The following ANKS1B variants were observed in gnomAD, a reference collection of about 807,000 sequenced individuals.
ANKS1B encodes ankyrin repeat and sterile alpha motif domain containing 1B.
Under a neutral mutation model 148.3 loss-of-function variants are expected in ANKS1B, and 36 were observed. The observed-to-expected ratio is 0.24, with a 90% confidence interval of 0.19 to 0.32. The LOEUF (loss-of-function observed/expected upper bound fraction) is 0.32. ANKS1B is among the 10% of genes least tolerant of loss of function. The probability of loss-of-function intolerance (pLI) is 1.00; values close to 1 mark genes in which losing one functional copy is unlikely to be tolerated. For missense variants in ANKS1B, 1,157 were observed against 1,542.6 expected (o/e 0.75, Z 4.19); for synonymous variants, 542 against 560.8 (o/e 0.97, Z 0.47).
chr12:98,901,580 A>G (rs994384764), intron 17 of ANKS1B, among the ~76,000 whole-genome samples: 3 of 152,234 alleles, frequency 2.0e-5, no homozygotes, highest in African/African-American at 7.2e-5. Flanking sequence ...GACATTGTGG[A>G]ACTTTACCTC....
intron 17 of ANKS1B, among the ~76,000 whole-genome samples, chr12:99,052,164 T>G (rs945360839): frequency 2.0e-5 from 3 of 152,260 alleles, no homozygotes; most frequent in African/African-American, 7.2e-5. Flanking sequence ...TATTCCTTCA[T>G]TTATGCTAGA....
At chr12:99,819,858 G>A (rs931008785) in intron 2 of ANKS1B, among the ~76,000 whole-genome samples, 1 of 151,236 alleles carries the variant, frequency 6.6e-6, no homozygotes, top group Non-Finnish European at 1.5e-5. Flanking sequence ...AGGAATGAGG[G>A]GACTAAGGAA....
chr12:99,582,331 C>T (rs566153059), intron 9 of ANKS1B, among the ~76,000 whole-genome samples: 1 of 151,578 alleles, frequency 6.6e-6, no homozygotes, highest in African/African-American at 2.4e-5. Flanking sequence ...TATGTAATCC[C>T]ACATCTAGGT....
At position 99,827,273 on chromosome 12, in the gene ANKS1B, A is replaced by G. The variant is rs74328527; in HGVS notation, c.135-1884T>C. On this transcript the variant is annotated intron_variant, in intron 1 of 26. Transcript: ENST00000683438. ...TATGACATGAATGACCCGGGAAGAC[A>G]TTATGCTAAGTGAAATAAGCCAGAC... 3.9e-5 allele frequency among the ~76,000 whole-genome samples: 6 copies of G among 152,322 alleles called. No individual in the cohort carries two copies. In the East Asian group the frequency reaches 7.7e-4, roughly 20 times the overall value.
At chr12:99,644,314 C>G (rs1269823229) in intron 9 of ANKS1B, among the ~76,000 whole-genome samples, 1 of 152,132 alleles carries the variant, frequency 6.6e-6, no homozygotes, top group Non-Finnish European at 1.5e-5. Flanking sequence ...TATTAACATT[C>G]TCTCTACAAT....
At chr12:99,111,587 G>A (rs2060301171) in intron 15 of ANKS1B, among the ~76,000 whole-genome samples, 1 of 151,714 alleles carries the variant, frequency 6.6e-6, no homozygotes, top group Admixed American at 6.6e-5. Context: ...CCTCATGAAA[G>A]TGCTGAACCC....
At position 99,713,020 on chromosome 12, in the gene ANKS1B, T is replaced by C. The variant is rs115448641; in HGVS notation, c.1129-57810A>G. ...TATCATTTTGTTCTTTCTCTGTCTCTTTCAGTCCAAGCTGGCAGTGTTTCT... is the reference window on the plus strand; with the variant it reads ...TATCATTTTGTTCTTTCTCTGTCTCCTTCAGTCCAAGCTGGCAGTGTTTCT... On this transcript the variant is annotated intron_variant, in intron 8 of 26. Transcript: ENST00000683438. 3.5e-3 allele frequency among the ~76,000 whole-genome samples: 538 copies of C among 152,346 alleles called. 1 individual carries two copies. The highest frequency in any genetic ancestry group is 0.013 in the African/African-American group (527 of 41,588).
intron 17 of ANKS1B, among the ~76,000 whole-genome samples, chr12:98,968,014 G>A (rs1173451993): frequency 1.3e-5 from 2 of 152,038 alleles, no homozygotes; most frequent in Non-Finnish European, 2.9e-5. Flanking sequence ...GGGCATTTTT[G>A]GGAAAATAGG....
intron 14 of ANKS1B, among the ~76,000 whole-genome samples, chr12:99,163,857 C>T (rs964840571): frequency 2.6e-5 from 4 of 152,116 alleles, no homozygotes; most frequent in African/African-American, 9.7e-5. Context: ...GCACCATTTA[C>T]CCATTCTCTT....
chr12:99,301,690 A>C (rs762557761), intron 12 of ANKS1B, among the ~76,000 whole-genome samples: 1 of 152,228 alleles, frequency 6.6e-6, no homozygotes, highest in Non-Finnish European at 1.5e-5. Flanking sequence ...CCAAAGTCAG[A>C]AAAAGATGAA....
chr12:99,455,897 ATCCT>A (rs1260374107), intron 10 of ANKS1B, among the ~76,000 whole-genome samples: 1 of 152,072 alleles, frequency 6.6e-6, no homozygotes, highest in Non-Finnish European at 1.5e-5. Context: ...CCACGGCCTG[ATCCT>A]TCCTATACTA....
intron 15 of ANKS1B, among the ~76,000 whole-genome samples, chr12:99,086,355 C>T (rs2051793865): frequency 6.6e-6 from 1 of 152,146 alleles, no homozygotes; most frequent in Non-Finnish European, 1.5e-5. Context: ...TACTTGGAAG[C>T]ATCATGTTCT....
At chr12:99,143,425 G>C (rs1224755925) in intron 15 of ANKS1B, among the ~76,000 whole-genome samples, 2 of 152,098 alleles carry the variant, frequency 1.3e-5, no homozygotes, top group African/African-American at 4.8e-5. Context: ...GATTCACACA[G>C]ACTAGCCTAG....
Position 99,009,195 on chromosome 12 carries a change from C to T in ANKS1B, c.2778+43962G>A, listed in dbSNP as rs552605268. Among the ~76,000 whole-genome samples the T allele has an allele frequency of 1.1e-4, 17 of 152,328 alleles. No homozygotes were observed. The South Asian group carries it at 3.1e-3, about 28-fold the overall frequency. ...CAACTCGTTCAGCAGCCTCAGACTA[C>T]AGCTGCATCTTTACTTATCTAGGCC... On this transcript the variant is annotated intron_variant, in intron 17 of 26. Coordinates refer to ENST00000683438, the MANE Select transcript of ANKS1B (RefSeq NM_001352186.2).
intron 4 of ANKS1B, among the ~76,000 whole-genome samples, chr12:99,799,481 T>C (rs561937472): frequency 2.0e-5 from 3 of 152,232 alleles, no homozygotes; most frequent in Non-Finnish European, 2.9e-5. Context: ...ATGTTGTTTA[T>C]GTGCTTATTT....
At chr12:99,464,278 A>ATCTGT (rs2096055736) in intron 10 of ANKS1B, among the ~76,000 whole-genome samples, 3 of 152,134 alleles carry the variant, frequency 2.0e-5, no homozygotes, top group Non-Finnish European at 4.4e-5. Flanking sequence ...CATCCACACC[A>ATCTGT]AAAACCCATC....
chr12:99,526,956 G>A (rs2096932898), intron 9 of ANKS1B, among the ~76,000 whole-genome samples: 1 of 152,168 alleles, frequency 6.6e-6, no homozygotes, highest in African/African-American at 2.4e-5. Flanking sequence ...TCTGGAGACA[G>A]ACTTGTACAC....
At chr12:99,331,651 T>C (rs2087584614) in intron 12 of ANKS1B, among the ~76,000 whole-genome samples, 1 of 152,024 alleles carries the variant, frequency 6.6e-6, no homozygotes, top group Non-Finnish European at 1.5e-5. Context: ...GGGGTGAATG[T>C]GGTTCGTTCA....
At chr12:99,085,790 G>A (rs1168453237) in intron 15 of ANKS1B, among the ~76,000 whole-genome samples, 11 of 152,064 alleles carry the variant, frequency 7.2e-5, no homozygotes, top group Admixed American at 3.3e-4. Flanking sequence ...ACATGTTCTC[G>A]CTTATAAGTA....
Sources: gnomAD v4.1 joint callset for allele counts (sites outside exome capture counted in the v4.1 genomes callset) on GRCh38, gnomAD v4.1.1 for gene constraint, MANE v1.5 for transcripts, NCBI Gene and HGNC (gene_info 2026-07-23, HGNC 2026-07-21) for gene names.